TAP1: variants seen among roughly 807,000 people sequenced by gnomAD.
The protein encoded by TAP1 is transporter 1, ATP binding cassette subfamily B member, also known as antigen peptide transporter 1.
Under a neutral mutation model 79.3 loss-of-function variants are expected in TAP1, and 56 were observed. That is an observed-to-expected ratio of 0.71 (90% CI 0.57 to 0.88). The LOEUF (loss-of-function observed/expected upper bound fraction) is 0.88. Ranked by LOEUF, TAP1 falls within the 40% of genes least tolerant of loss-of-function variation. The pLI is 0.00. For missense variants in TAP1, 737 were observed against 936.3 expected (o/e 0.79, Z 2.78); for synonymous variants, 355 against 401.4 (o/e 0.88, Z 1.38).
In TAP1 at chr6:32,851,206, C is replaced by T. The variant is rs1200624753; in HGVS notation, c.845-57G>A. ...ATCAGACAGGTTCCAAGTGATGAGA[C>T]GAACTAACAATGAGCCAGGATGCCA... On this transcript the variant is annotated intron_variant, in intron 3 of 10. Transcript: ENST00000354258. This position sits in a 1 kb window ranked among gnomAD's most constrained non-coding sequence, Gnocchi z 4.8. 28 of 1,556,494 alleles carry T rather than the reference C, an allele frequency of 1.8e-5. No individual in the cohort carries two copies. The East Asian group carries it at 2.7e-4, about 15-fold the overall frequency.
In TAP1 at chr6:32,845,815, G is replaced by C. The variant is rs567034355; in HGVS notation, c.2041-30C>G. On this transcript the variant is annotated intron_variant, in intron 10 of 10. Transcript: ENST00000354258. The surrounding 1 kb of genome is among the most constrained non-coding windows in gnomAD (Gnocchi z 4.5). ...GGAAAGACATCGGACCGTCAGAGCCGGGGACTACCCTCAGCCCAGGGAGAC... is the reference window on the plus strand; with the variant it reads ...GGAAAGACATCGGACCGTCAGAGCCCGGGACTACCCTCAGCCCAGGGAGAC... 1.9e-6 allele frequency: 3 copies of C among 1,592,180 alleles called. No individual in the cohort carries two copies. The highest frequency in any genetic ancestry group is 4.1e-4 in the Middle Eastern group (2 of 4,876).
rs770072323 is a variant in TAP1 at position 32,850,988 on chromosome 6, GC to G, written c.1005del (p.Pro336LeufsTer62). 5.6e-6 allele frequency: 9 copies of G among 1,613,000 alleles called. No individual in the cohort carries two copies. Among genetic ancestry groups the G allele is most frequent in the Non-Finnish European group, 7.6e-6 (9 of 1,180,034 alleles). On this transcript the variant is annotated frameshift_variant, in exon 4 of 11. Coordinates refer to ENST00000354258, the MANE Select transcript of TAP1 (RefSeq NM_000593.6). LOFTEE classifies it high-confidence loss of function. The surrounding 1 kb of genome is among the most constrained non-coding windows in gnomAD (Gnocchi z 5.5). ...VSLTMVTLITLPLLFLLPKKV... is the reference protein window; with the variant it reads ...VSLTMVTLITXPLLFLLPKKV... ...TTCTTGGGCAGAAGGAAAAGCAGAG[GC>G]AGGGTGATCAGGGTGACCATGGTGA...
chr6:32,848,638 G>A lies in TAP1; in HGVS notation c.1566+14C>T, dbSNP rs1388024069. ...AGTTGGGGCCAGTGGAATACAGGGA[G>A]TGGTAGGTTGTACCTGTAGCACTAA... On this transcript the variant is annotated intron_variant, in intron 7 of 10. Transcript: ENST00000354258. 1 of 1,613,440 alleles carries A rather than the reference G, an allele frequency of 6.2e-7. No individual in the cohort carries two copies. Among genetic ancestry groups the A allele is most frequent in the Non-Finnish European group, 8.5e-7 (1 of 1,179,742 alleles).
intron 7 of TAP1, 111 bp downstream of exon 7, chr6:32,848,541 G>T (rs980955101): frequency 3.3e-6 from 4 of 1,209,114 alleles, no homozygotes; most frequent in Non-Finnish European, 3.7e-6. Context: ...TGCCTTTAAA[G>T]GGTTAGGGAG....
In TAP1 at chr6:32,853,171, T is replaced by G; in HGVS notation, c.466A>C (p.Lys156Gln). The change falls in exon 1 of 11, where the codon AAA becomes CAA. Residue 156 changes from lysine (K) to glutamine (Q), a missense_variant. Transcript: ENST00000354258. This position sits in a 1 kb window ranked among gnomAD's most constrained non-coding sequence, Gnocchi z 8.3. ...AALPAAALWH[K>Q]LGSLWVPGGQ... Reference sequence around the variant, plus strand: ...CCGGGCACCCAGAGGCTCCCGAGTTTGTGCCACAGGGCTGCTGCGGGCAGT... The same window carrying G: ...CCGGGCACCCAGAGGCTCCCGAGTTGGTGCCACAGGGCTGCTGCGGGCAGT... 4 of 1,612,676 alleles carry G rather than the reference T, an allele frequency of 2.5e-6. No homozygotes were observed. Among genetic ancestry groups the G allele is most frequent in the Non-Finnish European group, 3.4e-6 (4 of 1,179,900 alleles).
At chr6:32,849,844 G>A (rs1770677783) in intron 5 of TAP1, 1 of 183,294 alleles carries the variant, frequency 5.5e-6, no homozygotes, top group Non-Finnish European at 1.2e-5. Context: ...TTGTTGTCAT[G>A]ATCACAAGAC....
In TAP1 at chr6:32,845,915, G is replaced by A. The variant is rs1770357351; in HGVS notation, c.2041-130C>T. 4 of 748,044 alleles carry A rather than the reference G, an allele frequency of 5.3e-6. No homozygotes were observed. Among genetic ancestry groups the A allele is most frequent in the African/African-American group, 1.7e-5 (1 of 58,014 alleles). The allele number at this position is 748,044 out of a possible 1,614,324, so 46.3% of individuals were successfully genotyped here. ...TGCTAACAACCCCAAGGACACCAAC[G>A]TTTCCCATTCTGAGTACTTCTCCGC... On this transcript the variant is annotated intron_variant, in intron 10 of 10. Coordinates refer to ENST00000354258, the MANE Select transcript of TAP1 (RefSeq NM_000593.6). This position sits in a 1 kb window ranked among gnomAD's most constrained non-coding sequence, Gnocchi z 4.5.
chr6:32,852,561 T>A lies in TAP1; in HGVS notation c.599-59A>T. On this transcript the variant is annotated intron_variant, in intron 1 of 10. Coordinates refer to ENST00000354258, the MANE Select transcript of TAP1 (RefSeq NM_000593.6). This position sits in a 1 kb window ranked among gnomAD's most constrained non-coding sequence, Gnocchi z 4.8. ...TTAAGTCTAAGTAGGTCAGTTCCAG[T>A]CAGACTGGCCCCACCACGCCTCCTC... 6.2e-7 allele frequency: 1 copy of A among 1,604,472 alleles called. No homozygotes were observed.
Position 32,851,002 on chromosome 6 carries a change from G to A in TAP1, c.992C>T (p.Thr331Ile). ...GAAAAGCAGAGGCAGGGTGATCAGG[G>A]TGACCATGGTGAGGGACACTGATCC... The part of the protein sequence containing the change: ...LWGSVSLTMV[T>I]LITLPLLFLL... Residue 331 changes from threonine to isoleucine, a missense_variant, in exon 4 of 11, where the codon ACC becomes ATC. Thr to Ile is a moderately conservative substitution (Grantham distance 89, BLOSUM62 -1). Transcript: ENST00000354258. The surrounding 1 kb of genome is among the most constrained non-coding windows in gnomAD (Gnocchi z 4.8). 1 of 1,612,924 alleles carries A rather than the reference G, an allele frequency of 6.2e-7. No individual in the cohort carries two copies. Among genetic ancestry groups the A allele is most frequent in the Non-Finnish European group, 8.5e-7 (1 of 1,179,946 alleles).
At position 32,852,638 on chromosome 6, in the gene TAP1, C is replaced by A; in HGVS notation, c.599-136G>T. 1 of 1,539,020 alleles carries A rather than the reference C, an allele frequency of 6.5e-7. No homozygotes were observed. The highest frequency in any genetic ancestry group is 1.2e-5 in the South Asian group (1 of 83,610). On this transcript the variant is annotated intron_variant, in intron 1 of 10. Transcript: ENST00000354258. This position sits in a 1 kb window ranked among gnomAD's most constrained non-coding sequence, Gnocchi z 4.8. ...CAGCAGAAAGGAAACACTGACGTCT[C>A]AATCCCGAACCTAAATAGGCTGCCC...
At chr6:32,848,372 GA>G in intron 7 of TAP1, 2 of 621,912 alleles carry the variant, frequency 3.2e-6, no homozygotes, top group South Asian at 2.0e-5. Flanking sequence ...AATTACAAAG[GA>G]AAAGGAAAGA....
Position 32,853,680 on chromosome 6 carries a change from T to G in TAP1, c.-44A>C. On this transcript the variant is annotated 5_prime_UTR_variant, in exon 1 of 11. Transcript: ENST00000354258. The surrounding 1 kb of genome is among the most constrained non-coding windows in gnomAD (Gnocchi z 8.3). ...CCGGTCCCGGCCGGGCCTGGGACTC[T>G]CCGCGCCCCGGTGGGGCCTGAAGCT... 6.3e-7 allele frequency: 1 copy of G among 1,583,246 alleles called. No individual in the cohort carries two copies. The highest frequency in any genetic ancestry group is 8.6e-7 in the Non-Finnish European group (1 of 1,166,960).
chr6:32,852,964 A>C lies in TAP1; in HGVS notation c.598+75T>G. 6.5e-7 allele frequency: 1 copy of C among 1,534,208 alleles called. No individual in the cohort carries two copies. Among genetic ancestry groups the C allele is most frequent in the Non-Finnish European group, 8.7e-7 (1 of 1,144,898 alleles). ...CATTTCCCAGAACCCACGCTACTCT[A>C]CCTTACTGACAATTACCTTTGATTC... On this transcript the variant is annotated intron_variant, in intron 1 of 10. Transcript: ENST00000354258. This position sits in a 1 kb window ranked among gnomAD's most constrained non-coding sequence, Gnocchi z 4.8.
chr6:32,848,205 T>A, intron 7 of TAP1, 113 bp from the exon 8 acceptor site: 1 of 1,350,114 alleles, frequency 7.4e-7, no homozygotes, highest in Non-Finnish European at 1.0e-6. Context: ...CAGGGAAATA[T>A]AGAAACTCCT....
rs1770715247 is a variant in TAP1 at position 32,850,470 on chromosome 6, C to T, written c.1098G>A (p.Val366=). The T allele has an allele frequency of 6.2e-7, 1 of 1,613,994 alleles. No individual in the cohort carries two copies. The highest frequency in any genetic ancestry group is 1.1e-5 in the South Asian group (1 of 91,090). The change falls in exon 5 of 11, where the codon GTG becomes GTA. Residue 366 remains valine, a synonymous_variant. Coordinates refer to ENST00000354258, the MANE Select transcript of TAP1 (RefSeq NM_000593.6). This position sits in a 1 kb window ranked among gnomAD's most constrained non-coding sequence, Gnocchi z 5.5. ...VRESLAKSSQ[V]AIEALSAMPT... Reference sequence around the variant, plus strand: ...GCATGGCCGACAGAGCCTCAATGGCCACCTGGCTGGACTTTGCCAGAGATT... The same window carrying T: ...GCATGGCCGACAGAGCCTCAATGGCTACCTGGCTGGACTTTGCCAGAGATT...
At position 32,853,691 on chromosome 6, in the gene TAP1, G is replaced by T. The variant is rs1056947951; in HGVS notation, c.-55C>A. On this transcript the variant is annotated 5_prime_UTR_variant, in exon 1 of 11. Coordinates refer to ENST00000354258, the MANE Select transcript of TAP1 (RefSeq NM_000593.6). This position sits in a 1 kb window ranked among gnomAD's most constrained non-coding sequence, Gnocchi z 8.3. ...CGGGCCTGGGACTCTCCGCGCCCCG[G>T]TGGGGCCTGAAGCTCCGGGTACCGC... 3 of 1,573,794 alleles carry T rather than the reference G, an allele frequency of 1.9e-6. No homozygotes were observed. Among genetic ancestry groups the T allele is most frequent in the African/African-American group, 1.3e-5 (1 of 74,202 alleles).
rs768803391 is a variant in TAP1 at position 32,852,997 on chromosome 6, A to T, written c.598+42T>A. 1.9e-6 allele frequency: 3 copies of T among 1,578,032 alleles called. No individual in the cohort carries two copies. The highest frequency in any genetic ancestry group is 2.3e-5 in the East Asian group (1 of 43,894). On this transcript the variant is annotated intron_variant, in intron 1 of 10. Coordinates refer to ENST00000354258, the MANE Select transcript of TAP1 (RefSeq NM_000593.6). The surrounding 1 kb of genome is among the most constrained non-coding windows in gnomAD (Gnocchi z 4.8). ...GACAATTACCTTTGATTCCTGTCCC[A>T]GTCCCCTTGTGTCCTCCCCTCTTGC...
rs372875467 is a variant in TAP1 at position 32,850,929 on chromosome 6, A to G, written c.1050+15T>C. 77 of 1,608,302 alleles carry G rather than the reference A, an allele frequency of 4.8e-5. No homozygotes were observed. In the Middle Eastern group the frequency reaches 5.7e-4, roughly 12 times the overall value. ...ATGAGGGTCTGTGTAGAGCGGGCCAACTCCATGAACATACCTGGTACCATT... is the reference window on the plus strand; with the variant it reads ...ATGAGGGTCTGTGTAGAGCGGGCCAGCTCCATGAACATACCTGGTACCATT... On this transcript the variant is annotated intron_variant, in intron 4 of 10. Transcript: ENST00000354258. This position sits in a 1 kb window ranked among gnomAD's most constrained non-coding sequence, Gnocchi z 5.5.
chr6:32,848,137 A>C (rs774248579), intron 7 of TAP1, 45 bp from the exon 8 acceptor site: 13 of 1,556,222 alleles, frequency 8.4e-6, no homozygotes, highest in Non-Finnish European at 1.1e-5. Context: ...CAAGGCCTCT[A>C]ACCTTGAGAG....
Sources: allele counts gnomAD v4.1 joint callset, GRCh38; gene constraint gnomAD v4.1.1; non-coding constraint Gnocchi (gnomAD v3.1); transcripts MANE v1.5; gene names NCBI Gene and HGNC (gene_info 2026-07-23, HGNC 2026-07-21).